Variants in CSRNP3 observed in about 807,000 individuals in gnomAD.
CSRNP3 encodes the protein cysteine and serine rich nuclear protein 3, also known as cysteine/serine-rich nuclear protein 3.
A neutral mutation model predicts 48.0 loss-of-function variants in CSRNP3; 12 were observed. The ratio of observed to expected loss-of-function variants is 0.25; its 90% confidence interval spans 0.16 to 0.41. The LOEUF is 0.41. Among genes scored for constraint, CSRNP3 ranks in the 10% least tolerant of loss-of-function variants. CSRNP3 has a pLI of 1.00. For missense variants in CSRNP3, 580 were observed against 724.4 expected (o/e 0.80, Z 2.29); for synonymous variants, 263 against 269.7 (o/e 0.98, Z 0.24).
At chr2:165,621,639 A>G (rs1027786786) in intron 4 of CSRNP3, among the ~76,000 whole-genome samples, 11 of 152,212 alleles carry the variant, frequency 7.2e-5, no homozygotes, top group African/African-American at 2.4e-4. Flanking sequence ...GTAGAAAATA[A>G]TATAGTTTTA....
At chr2:165,521,080 G>A (rs1381913251) in intron 3 of CSRNP3, among the ~76,000 whole-genome samples, 1 of 150,610 alleles carries the variant, frequency 6.6e-6, no homozygotes, top group African/African-American at 2.4e-5. Context: ...AGTAGAGAGT[G>A]TTTATTACAT....
intron 4 of CSRNP3, among the ~76,000 whole-genome samples, chr2:165,615,753 G>A (rs887295306): frequency 1.1e-4 from 16 of 149,042 alleles, no homozygotes; most frequent in African/African-American, 2.7e-4. Flanking sequence ...TATTTTTTTT[G>A]AGACAGGGTC....
chr2:165,576,048 C>T (rs957714971), intron 3 of CSRNP3, among the ~76,000 whole-genome samples: 15 of 150,354 alleles, frequency 1.0e-4, no homozygotes, highest in African/African-American at 3.7e-4. Context: ...TGCTTTTATA[C>T]CTATATATAG....
In CSRNP3 at chr2:165,569,413, A is replaced by G. The variant is rs376876758; in HGVS notation, c.-23-25630A>G. On this transcript the variant is annotated intron_variant, in intron 3 of 6. Transcript: ENST00000651982. ...ATGTCTAAATTACTGCAAGAACTGG[A>G]TAGCAAATATTTTGGATTACTTCTG... is the stretch of plus-strand genomic sequence containing the variant. Among the ~76,000 whole-genome samples the G allele has an allele frequency of 2.2e-4, 34 of 152,198 alleles. 1 individual carries two copies. The East Asian group carries it at 2.5e-3, about 11-fold the overall frequency.
chr2:165,499,044 T>A (rs1684323276), intron 2 of CSRNP3, among the ~76,000 whole-genome samples: 1 of 152,198 alleles, frequency 6.6e-6, no homozygotes, highest in Admixed American at 6.6e-5. Flanking sequence ...TGTTAGAGAA[T>A]CACATCCTTA....
intron 3 of CSRNP3, among the ~76,000 whole-genome samples, chr2:165,584,155 T>A (rs1685590847): frequency 6.6e-6 from 1 of 152,202 alleles, no homozygotes; most frequent in Non-Finnish European, 1.5e-5. Flanking sequence ...TTAGGAATGC[T>A]TTTGTTCTTA....
chr2:165,598,377 A>G (rs7596692), intron 4 of CSRNP3, among the ~76,000 whole-genome samples: 46,559 of 152,082 alleles, frequency 0.31, 7,496 homozygotes, highest in Admixed American at 0.42. Flanking sequence ...AAGTTGTCCT[A>G]AAAATTGGAA....
intron 2 of CSRNP3, among the ~76,000 whole-genome samples, chr2:165,510,344 T>C (rs1195284259): frequency 3.3e-5 from 5 of 152,152 alleles, no homozygotes; most frequent in Non-Finnish European, 7.4e-5. Flanking sequence ...TACTCAGTCA[T>C]TTATTTAGAT....
chr2:165,653,972 CAAAAAAAAAAAAAAAAAA>C lies in CSRNP3; in HGVS notation c.149-3770_149-3753del, dbSNP rs71028497. Among the ~76,000 whole-genome samples the C allele has an allele frequency of 8.7e-4, 36 of 41,230 alleles. 1 individual carries two copies. The highest frequency in any genetic ancestry group is 3.3e-3 in the African/African-American group (33 of 10,122). The allele number at this position is 41,230 out of a possible 152,430, so 27.0% of individuals were successfully genotyped here. ...GGGCAACAAGAGCGAAGCTCTATCA[CAAAAAAAAAAAAAAAAAA>C]AAAAAAAAAAAAAAAAAATTACCAG... On this transcript the variant is annotated intron_variant, in intron 4 of 6. Coordinates refer to ENST00000651982, the MANE Select transcript of CSRNP3 (RefSeq NM_001172173.2).
chr2:165,681,143 C>T lies in CSRNP3; in HGVS notation c.*1390C>T, dbSNP rs751064024. 10 of 152,204 alleles carry T rather than the reference C, an allele frequency of 6.6e-5. No individual in the cohort carries two copies. The highest frequency in any genetic ancestry group is 1.2e-4 in the Non-Finnish European group (8 of 68,000). 9.4% of individuals were successfully genotyped at this position (152,204 alleles called of 1,614,324 possible). ...ACCTTTAGATTACCTGCACTTGGTT[C>T]GTCGGAGGACTTCTAGGATCCCGTT... On this transcript the variant is annotated 3_prime_UTR_variant, in exon 7 of 7. Coordinates refer to ENST00000651982, the MANE Select transcript of CSRNP3 (RefSeq NM_001172173.2).
At chr2:165,477,200 A>C (rs1372923351) in intron 1 of CSRNP3, among the ~76,000 whole-genome samples, 1 of 152,196 alleles carries the variant, frequency 6.6e-6, no homozygotes, top group East Asian at 1.9e-4. Context: ...TGAAGATTTC[A>C]TAAAAAATAT....
intron 2 of CSRNP3, among the ~76,000 whole-genome samples, chr2:165,514,552 C>T (rs944421842): frequency 1.3e-5 from 2 of 152,218 alleles, no homozygotes; most frequent in African/African-American, 2.4e-5. Flanking sequence ...CACAGTCTTA[C>T]ACAGTCAGTG....
intron 3 of CSRNP3, among the ~76,000 whole-genome samples, chr2:165,550,836 T>G (rs1456918504): frequency 2.0e-5 from 3 of 152,184 alleles, no homozygotes; most frequent in African/African-American, 7.2e-5. Context: ...AAGGAATGCT[T>G]TCAGAGTCGA....
intron 1 of CSRNP3, among the ~76,000 whole-genome samples, chr2:165,486,252 T>C (rs12151825): frequency 2.1e-3 from 327 of 152,168 alleles, no homozygotes; most frequent in Middle Eastern, 6.8e-3. Context: ...TAAAAAACGG[T>C]GCACCACGAG....
chr2:165,543,096 G>A (rs1684979813), intron 3 of CSRNP3, among the ~76,000 whole-genome samples: 1 of 152,048 alleles, frequency 6.6e-6, no homozygotes, highest in Non-Finnish European at 1.5e-5. Flanking sequence ...TCCTGGGATG[G>A]CTGAAGTATC....
intron 3 of CSRNP3, among the ~76,000 whole-genome samples, chr2:165,535,329 TC>T (rs1684867839): frequency 6.6e-6 from 1 of 151,464 alleles, no homozygotes; most frequent in South Asian, 2.1e-4. Flanking sequence ...TTTTTTTTTT[TC>T]TTTGACCTAC....
chr2:165,545,748 A>T, intron 3 of CSRNP3, among the ~76,000 whole-genome samples: 1 of 152,106 alleles, frequency 6.6e-6, no homozygotes, highest in East Asian at 1.9e-4. Context: ...GGAATATTTT[A>T]TTTTCTTCCC....
At chr2:165,592,888 A>G (rs1407853744) in intron 3 of CSRNP3, among the ~76,000 whole-genome samples, 1 of 122,780 alleles carries the variant, frequency 8.1e-6, no homozygotes, top group African/African-American at 3.2e-5. Context: ...TGCAAGCTCC[A>G]CCTCCCGGGT....
chr2:165,523,521 C>A (rs1437135136), intron 3 of CSRNP3, among the ~76,000 whole-genome samples: 1 of 152,178 alleles, frequency 6.6e-6, no homozygotes, highest in Admixed American at 6.5e-5. Flanking sequence ...TTTAACAGAG[C>A]ATGCACTTTC....
Sources: gnomAD v4.1 joint callset for allele counts (sites outside exome capture counted in the v4.1 genomes callset) on GRCh38, gnomAD v4.1.1 for gene constraint, MANE v1.5 for transcripts, NCBI Gene and HGNC (gene_info 2026-07-23, HGNC 2026-07-21) for gene names.